CBLN2: variants seen among roughly 807,000 people sequenced by gnomAD.
CBLN2 encodes cerebellin 2 precursor, also known as cerebellin-2.
Under a neutral mutation model 15.0 loss-of-function variants are expected in CBLN2, and 7 were observed. The observed-to-expected ratio is 0.47, with a 90% CI of 0.27 to 0.88. The LOEUF (loss-of-function observed/expected upper bound fraction) is 0.88, where lower values mean the gene tolerates loss of function less well. Among genes scored for constraint, CBLN2 ranks in the 40% least tolerant of loss-of-function variants. CBLN2 has a pLI of 0.14. For missense variants in CBLN2, 242 were observed against 304.5 expected (o/e 0.79, Z 1.53); for synonymous variants, 149 against 135.2 (o/e 1.10, Z -0.71).
upstream of CBLN2, among the ~76,000 whole-genome samples, chr18:72,546,869 C>T (rs563347901): frequency 6.6e-6 from 1 of 152,242 alleles, no homozygotes; most frequent in African/African-American, 2.4e-5. Flanking sequence ...ATATCTGTCT[C>T]TCATGGAACT....
In CBLN2 at chr18:72,575,626, C is replaced by G. The variant is rs368364839; in HGVS notation, c.16-36854G>C. Among the ~76,000 whole-genome samples, 5 of 152,078 alleles carry G rather than the reference C, an allele frequency of 3.3e-5. No individual in the cohort carries two copies. The East Asian group carries it at 9.7e-4, about 29-fold the overall frequency. On this transcript the variant is annotated intron_variant, in intron 1 of 2. Transcript: ENST00000581073. ...TGTTTCAGAGGGCTGCCGGAGAAGC[C>G]GGGCCCTCAGGAGGCGACTGGGCGG...
chr18:72,596,887 TG>T (rs1361909597), intron 1 of CBLN2, among the ~76,000 whole-genome samples: 1 of 152,156 alleles, frequency 6.6e-6, no homozygotes, highest in Non-Finnish European at 1.5e-5. Context: ...GCAAATGCCT[TG>T]GTAGTCTTCT....
intron 1 of CBLN2, among the ~76,000 whole-genome samples, chr18:72,563,531 G>C (rs949246686): frequency 1.3e-5 from 2 of 152,110 alleles, no homozygotes; most frequent in African/African-American, 4.8e-5. Flanking sequence ...CTGGCGTACA[G>C]CAAGGAAGTG....
intron 1 of CBLN2, among the ~76,000 whole-genome samples, chr18:72,565,440 T>C (rs543721612): frequency 2.0e-5 from 3 of 152,210 alleles, no homozygotes; most frequent in African/African-American, 7.2e-5. Context: ...TGGTCAACAA[T>C]AGCTGTAGCT....
intron 1 of CBLN2, among the ~76,000 whole-genome samples, chr18:72,592,744 G>C (rs1409718585): frequency 6.6e-6 from 1 of 152,086 alleles, no homozygotes; most frequent in Non-Finnish European, 1.5e-5. Flanking sequence ...ATTTAATGCA[G>C]AGACTGTATT....
chr18:72,603,286 A>T (rs1417703369), intron 1 of CBLN2, among the ~76,000 whole-genome samples: 1 of 152,242 alleles, frequency 6.6e-6, no homozygotes, highest in Non-Finnish European at 1.5e-5. Context: ...ATGGTATGGG[A>T]CTATTAGCAC....
intron 1 of CBLN2, among the ~76,000 whole-genome samples, chr18:72,591,303 T>C (rs1345001136): frequency 6.6e-6 from 1 of 152,210 alleles, no homozygotes; most frequent in Non-Finnish European, 1.5e-5. Context: ...AGGAAATTCC[T>C]AACAAATCTA....
chr18:72,577,945 T>C (rs192425075), intron 1 of CBLN2, among the ~76,000 whole-genome samples: 17 of 152,354 alleles, frequency 1.1e-4, no homozygotes, highest in Non-Finnish European at 1.9e-4. Flanking sequence ...AATAATGATA[T>C]GTTATGCTTC....
chr18:72,583,290 C>T (rs1439404430), intron 1 of CBLN2, among the ~76,000 whole-genome samples: 1 of 152,214 alleles, frequency 6.6e-6, no homozygotes, highest in East Asian at 1.9e-4. Flanking sequence ...GTCTGGGATA[C>T]CTCATCTACC....
intron 1 of CBLN2, among the ~76,000 whole-genome samples, chr18:72,553,201 T>C (rs2069201932): frequency 6.6e-6 from 1 of 152,088 alleles, no homozygotes; most frequent in Admixed American, 6.6e-5. Flanking sequence ...CTACTCTGAT[T>C]TACGTGTTCA....
chr18:72,603,104 G>T (rs75652021), intron 1 of CBLN2, among the ~76,000 whole-genome samples: 1 of 152,236 alleles, frequency 6.6e-6, no homozygotes, highest in Non-Finnish European at 1.5e-5. Flanking sequence ...ATGCCATGCC[G>T]CAAGGCAAAA....
At chr18:72,555,549 C>A (rs1457871666) in intron 1 of CBLN2, among the ~76,000 whole-genome samples, 1 of 152,004 alleles carries the variant, frequency 6.6e-6, no homozygotes, top group Non-Finnish European at 1.5e-5. Context: ...TTTGCACCAA[C>A]CTAATACAAT....
At chr18:72,560,316 G>A (rs576989983) in intron 1 of CBLN2, among the ~76,000 whole-genome samples, 2 of 152,330 alleles carry the variant, frequency 1.3e-5, no homozygotes, top group East Asian at 3.9e-4. Context: ...AGGTGCATGA[G>A]TGATCACATG....
At chr18:72,600,411 A>G (rs1339140555) in intron 1 of CBLN2, among the ~76,000 whole-genome samples, 3 of 152,178 alleles carry the variant, frequency 2.0e-5, no homozygotes, top group Non-Finnish European at 4.4e-5. Context: ...GAGCTCTGCA[A>G]GGCACAGGAA....
chr18:72,617,222 A>G (rs1305865252), intron 1 of CBLN2, among the ~76,000 whole-genome samples: 1 of 152,200 alleles, frequency 6.6e-6, no homozygotes, highest in Non-Finnish European at 1.5e-5. Flanking sequence ...CAGTAGAAAC[A>G]TCTATGTAAT....
At chr18:72,541,481 A>C (rs983609682) in intron 3 of CBLN2, among the ~76,000 whole-genome samples, 1 of 152,114 alleles carries the variant, frequency 6.6e-6, no homozygotes, top group Non-Finnish European at 1.5e-5. Context: ...GAAAAGTAAA[A>C]CGTGCAATGC....
intron 1 of CBLN2, among the ~76,000 whole-genome samples, chr18:72,628,612 G>C (rs915509457): frequency 3.0e-4 from 46 of 152,168 alleles, no homozygotes; most frequent in Non-Finnish European, 3.5e-4. Flanking sequence ...TCTCTGAAAG[G>C]GCTGAGAGCC....
chr18:72,577,344 G>A (rs2069374887), intron 1 of CBLN2, among the ~76,000 whole-genome samples: 1 of 151,998 alleles, frequency 6.6e-6, no homozygotes, highest in South Asian at 2.1e-4. Context: ...ACGAATAGAT[G>A]AGGAGAAACT....
chr18:72,549,846 A>C (rs2144880216), intron 1 of CBLN2, among the ~76,000 whole-genome samples: 1 of 152,268 alleles, frequency 6.6e-6, no homozygotes, highest in Non-Finnish European at 1.5e-5. Flanking sequence ...ATGGAGTTTC[A>C]GTTCATCTGC....
Sources: gnomAD v4.1 joint callset for allele counts (sites outside exome capture counted in the v4.1 genomes callset) on GRCh38, gnomAD v4.1.1 for gene constraint, MANE v1.5 for transcripts, NCBI Gene and HGNC (gene_info 2026-07-23, HGNC 2026-07-21) for gene names.